Variants in CTR9 observed in about 807,000 individuals in gnomAD.
The protein encoded by CTR9 is RNA polymerase-associated protein CTR9 homolog.
A neutral mutation model predicts 152.1 loss-of-function variants in CTR9; 41 were observed. The observed-to-expected ratio is 0.27, with a 90% confidence interval of 0.21 to 0.35. The LOEUF (loss-of-function observed/expected upper bound fraction) is 0.35, where lower values mean the gene tolerates loss of function less well. CTR9 is among the 10% of genes least tolerant of loss of function. CTR9 has a pLI of 1.00. For missense variants in CTR9, 917 were observed against 1,424.4 expected (o/e 0.64, Z 5.73); for synonymous variants, 476 against 496.2 (o/e 0.96, Z 0.54).
intron 2 of CTR9, among the ~76,000 whole-genome samples, chr11:10,754,012 T>C (rs943686391): frequency 2.6e-5 from 4 of 152,204 alleles, no homozygotes; most frequent in Non-Finnish European, 5.9e-5. Context: ...TTTCATGGTA[T>C]GTGACCAATA....
rs766614286 is a variant in CTR9, at chr11:10,767,901, G to A, written c.1782G>A (p.Gln594=). 3.7e-6 allele frequency: 6 copies of A among 1,614,112 alleles called. No homozygotes were observed. In the South Asian group the frequency reaches 4.4e-5, roughly 12 times the overall value. ...GQKKFERILK[Q]PSTQSDTYSM... is the part of the protein sequence containing the mutation. Reference sequence around the variant, plus strand: ...AGAAGTTTGAGAGGATATTAAAACAGCCATCCACACAGAGTGATACCTATT... The same window carrying A: ...AGAAGTTTGAGAGGATATTAAAACAACCATCCACACAGAGTGATACCTATT... Residue 594 remains glutamine (Q), a synonymous_variant, in exon 14 of 25, where the codon CAG becomes CAA. Transcript: ENST00000361367. This position sits in a 1 kb window ranked among gnomAD's most constrained non-coding sequence, Gnocchi z 4.0.
rs906115968 is a variant in CTR9, at chr11:10,764,296, A to G, written c.1285-12A>G. ...CCACTTACACCTTTTTCTGTCAATC[A>G]TGAAAATACAGGGTGCCCTTTCAGC... On this transcript the variant is annotated splice_polypyrimidine_tract_variant and intron_variant, in intron 10 of 24. Transcript: ENST00000361367. 9.3e-6 allele frequency: 15 copies of G among 1,613,822 alleles called. No individual in the cohort carries two copies. Among genetic ancestry groups the G allele is most frequent in the Middle Eastern group, 1.6e-4 (1 of 6,082 alleles).
At chr11:10,777,279 C>T (rs1346036676) in intron 24 of CTR9, among the ~76,000 whole-genome samples, 1 of 152,054 alleles carries the variant, frequency 6.6e-6, no homozygotes, top group Non-Finnish European at 1.5e-5. Context: ...CGCCTATAAT[C>T]CCAGCACTTT....
At position 10,773,094 on chromosome 11, in the gene CTR9, G is replaced by T. The variant is rs184390745; in HGVS notation, c.2581-33G>T. On this transcript the variant is annotated intron_variant, in intron 20 of 24. Coordinates refer to ENST00000361367, the MANE Select transcript of CTR9 (RefSeq NM_014633.5). ...ATTTTTCATCATAAGAAAATTTGCA[G>T]TGGGGTTTCTTTTCTACCATTTTTC... 3.3e-3 allele frequency: 5,181 copies of T among 1,576,826 alleles called. 10 individuals carry two copies. The highest frequency in any genetic ancestry group is 4.2e-3 in the Middle Eastern group (24 of 5,730).
rs745724154 is a variant in CTR9 at position 10,751,461 on chromosome 11, A to C, written c.45+4A>C. On this transcript the variant is annotated splice_donor_region_variant and intron_variant, in intron 1 of 24. Coordinates refer to ENST00000361367, the MANE Select transcript of CTR9 (RefSeq NM_014633.5). ...TCCCCTCCGGGACACTGACGAGGTA[A>C]GTGTCGTGTATGGAGGCGGGTGGGG... 5.6e-6 allele frequency: 9 copies of C among 1,613,858 alleles called. 1 individual carries two copies. In the South Asian group the frequency reaches 9.9e-5, roughly 18 times the overall value.
At chr11:10,752,819 T>C (rs766273456) in intron 2 of CTR9, 49 bp downstream of exon 2, 11 of 1,440,400 alleles carry the variant, frequency 7.6e-6, no homozygotes, top group South Asian at 5.8e-5. Context: ...TAGGAAAATA[T>C]GTAGTTTCTG....
Position 10,779,583 on chromosome 11 carries a change from A to G in CTR9, c.*478A>G, listed in dbSNP as rs1479030047. The stretch of plus-strand genomic sequence containing the variant: ...ATCTACTGTATAATTGCACCAAAGT[A>G]CATTTGAAAGGAAGGTTTTCAATAG... On this transcript the variant is annotated 3_prime_UTR_variant, in exon 25 of 25. Transcript: ENST00000361367. 1 of 158,610 alleles carries G rather than the reference A, an allele frequency of 6.3e-6. No individual in the cohort carries two copies. Among genetic ancestry groups the G allele is most frequent in the Non-Finnish European group, 1.4e-5 (1 of 71,798 alleles). The allele number at this position is 158,610 out of a possible 1,614,324, so 9.8% of individuals were successfully genotyped here.
chr11:10,773,761 T>C (rs1162810286), intron 21 of CTR9, among the ~76,000 whole-genome samples: 2 of 151,878 alleles, frequency 1.3e-5, no homozygotes, highest in Admixed American at 6.6e-5. Flanking sequence ...GATGCATGCC[T>C]GTAGTCCCAG....
In CTR9 at chr11:10,760,921, G is replaced by A. The variant is rs547611063; in HGVS notation, c.741+600G>A. ...ATCTCCAGCTTCTCATTATTACATC[G>A]GTCTTATAAAGAGGGAGGAAAGAGA... On this transcript the variant is annotated intron_variant, in intron 6 of 24. Coordinates refer to ENST00000361367, the MANE Select transcript of CTR9 (RefSeq NM_014633.5). Among the ~76,000 whole-genome samples the A allele has an allele frequency of 4.1e-4, 62 of 152,114 alleles. No individual in the cohort carries two copies. The Middle Eastern group carries it at 0.014, about 33-fold the overall frequency.
Position 10,751,263 on chromosome 11 carries a change from CG to C in CTR9, c.-147del. ...CGCTGCTCGTTGTTTAAGCGGCTGA[CG>C]GGAAGGAGAAGCCAGAGCTCCAGCG... On this transcript the variant is annotated 5_prime_UTR_variant, in exon 1 of 25. Coordinates refer to ENST00000361367, the MANE Select transcript of CTR9 (RefSeq NM_014633.5). 1.3e-6 allele frequency: 1 copy of C among 757,946 alleles called. No individual in the cohort carries two copies. Among genetic ancestry groups the C allele is most frequent in the Non-Finnish European group, 2.2e-6 (1 of 461,228 alleles). The allele number at this position is 757,946 out of a possible 1,614,324, so 47.0% of individuals were successfully genotyped here. A position where few individuals can be genotyped will look rare whatever the true frequency, so the allele number is the denominator to read the frequency against.
At chr11:10,773,364 T>G in intron 21 of CTR9, 91 bp downstream of exon 21, 1 of 1,486,082 alleles carries the variant, frequency 6.7e-7, no homozygotes. Context: ...CCTTCTGTAC[T>G]TACTAGTTTT....
At chr11:10,775,335 C>T (rs1564972961) in intron 23 of CTR9, 32 bp downstream of exon 23, 2 of 1,571,840 alleles carry the variant, frequency 1.3e-6, no homozygotes, top group African/African-American at 1.4e-5. Flanking sequence ...TTTCTGTCCC[C>T]TAGTAGATGT....
intron 7 of CTR9, 141 bp from the exon 8 acceptor site, chr11:10,763,290 C>G (rs1022059435): frequency 3.0e-6 from 2 of 659,736 alleles, no homozygotes; most frequent in Non-Finnish European, 5.3e-6. Context: ...TAGGTTATAA[C>G]TGTTATAGCA....
rs748685982 is a variant in CTR9, at chr11:10,767,332, T to C, written c.1687-474T>C. On this transcript the variant is annotated intron_variant, in intron 13 of 24. Coordinates refer to ENST00000361367, the MANE Select transcript of CTR9 (RefSeq NM_014633.5). This position sits in a 1 kb window ranked among gnomAD's most constrained non-coding sequence, Gnocchi z 4.0. Reference sequence around the variant, plus strand: ...AGTGATGGTTCCACGTTTGTAACGTTTTGGTTGAGATTTTAAATGGTGGAC... The same window carrying C: ...AGTGATGGTTCCACGTTTGTAACGTCTTGGTTGAGATTTTAAATGGTGGAC... 1.7e-4 allele frequency: 26 copies of C among 156,706 alleles called. No individual in the cohort carries two copies. The highest frequency in any genetic ancestry group is 3.1e-4 in the Non-Finnish European group (22 of 70,556). The allele number at this position is 156,706 out of a possible 1,614,324, so 9.7% of individuals were successfully genotyped here. A position where few individuals can be genotyped will look rare whatever the true frequency, so the allele number is the denominator to read the frequency against.
intron 16 of CTR9, 60 bp from the exon 17 acceptor site, chr11:10,770,149 CA>C (rs1215033656): frequency 4.8e-6 from 6 of 1,262,486 alleles, no homozygotes; most frequent in Admixed American, 4.7e-5. Context: ...CATTTTGCTA[CA>C]AAATGAAAAT....
chr11:10,775,535 T>G lies in CTR9; in HGVS notation c.2997T>G (p.Arg999=). Residue 999 remains arginine (R), a synonymous_variant, in exon 24 of 25, where the codon CGT becomes CGG. Coordinates refer to ENST00000361367, the MANE Select transcript of CTR9 (RefSeq NM_014633.5). ...ACATTCTTTAGCCCAAGCCAGAACGTCTGCCTCCATCAATGAAGGGAAAAA... is the reference window on the plus strand; with the variant it reads ...ACATTCTTTAGCCCAAGCCAGAACGGCTGCCTCCATCAATGAAGGGAAAAA... ...AEKKKAPKPE[R]LPPSMKGKIK... 4 of 1,613,490 alleles carry G rather than the reference T, an allele frequency of 2.5e-6. No individual in the cohort carries two copies. Among genetic ancestry groups the G allele is most frequent in the Non-Finnish European group, 3.4e-6 (4 of 1,179,528 alleles).
intron 24 of CTR9, 41 bp downstream of exon 24, chr11:10,775,674 A>T (rs767255325): frequency 7.4e-7 from 1 of 1,351,394 alleles, no homozygotes; most frequent in African/African-American, 1.5e-5. Flanking sequence ...CATGATGTAG[A>T]TAAATCAAAA....
chr11:10,772,314 A>G (rs1253608527), intron 19 of CTR9, among the ~76,000 whole-genome samples: 4 of 152,164 alleles, frequency 2.6e-5, no homozygotes, highest in East Asian at 3.8e-4. Context: ...AGATGGCACC[A>G]TTACACTCTA....
At position 10,775,120 on chromosome 11, in the gene CTR9, A is replaced by G. The variant is rs79355153; in HGVS notation, c.2886-87A>G. 2.4e-3 allele frequency: 2,500 copies of G among 1,041,284 alleles called. 32 individuals carry two copies. In the African/African-American group the frequency reaches 0.034, roughly 14 times the overall value. 64.5% of individuals were successfully genotyped at this position (1,041,284 alleles called of 1,614,324 possible). ...ACAGCACCCATATAGAAGAGGATTC[A>G]GAATGAATAATAATTTAATGGCAAA... On this transcript the variant is annotated intron_variant, in intron 22 of 24. Coordinates refer to ENST00000361367, the MANE Select transcript of CTR9 (RefSeq NM_014633.5).
Sources: allele counts gnomAD v4.1 joint callset (sites outside exome capture counted in the v4.1 genomes callset), GRCh38; gene constraint gnomAD v4.1.1; non-coding constraint Gnocchi (gnomAD v3.1); transcripts MANE v1.5; gene names NCBI Gene and HGNC (gene_info 2026-07-23, HGNC 2026-07-21).